RS1: variants seen among roughly 807,000 people sequenced by gnomAD.
The protein encoded by RS1 is retinoschisin 1, also known as retinoschisin.
RS1 carries 2 observed loss-of-function variants against 20.8 expected under a neutral mutation model. The ratio of observed to expected loss-of-function variants is 0.10; its 90% CI spans 0.04 to 0.30. RS1 has a LOEUF of 0.30. Ranked by LOEUF, RS1 falls within the 10% of genes least tolerant of loss-of-function variation. RS1 has a pLI of 1.00. For synonymous variants in RS1, 70 were observed against 75.8 expected, an observed-to-expected ratio of 0.92 and a Z score of 0.40; for missense variants, 151 against 189.8, an observed-to-expected ratio of 0.80 and a Z score of 1.20.
In RS1 at chrX:18,657,650, G is replaced by A. The variant is rs62645882; in HGVS notation, c.68C>T (p.Ser23Leu). ...CTTACTGTTACATACCTCGGTAGAC[G>A]ATAATCCCAATGTGGCTAAAGCAAA... ...LFGYEATLGL[S>L]STEDEGEDPW... is the part of the protein sequence containing the mutation. The change falls in exon 2 of 6, where the codon TCG (serine) becomes TTG (leucine). Residue 23 changes from serine (S) to leucine (L), a missense_variant. Ser to Leu is a moderately radical substitution (Grantham distance 145). Coordinates refer to ENST00000379984, the MANE Select transcript of RS1 (RefSeq NM_000330.4). The A allele has an allele frequency of 8.3e-6, 10 of 1,198,829 alleles. No homozygotes were observed. The highest frequency in any genetic ancestry group is 3.5e-5 in the African/African-American group (2 of 56,895).
At chrX:18,649,871 A>G (rs1218052760) in intron 3 of RS1, among the ~76,000 whole-genome samples, 3 of 112,093 alleles carry the variant, frequency 2.7e-5, no homozygotes, top group African/African-American at 9.7e-5. Context: ...GCACAAGGCC[A>G]GGTGGCAGGG....
In RS1 at chrX:18,640,332, G is replaced by A. The variant is rs2147187147; in HGVS notation, c.*1672C>T. The A allele has an allele frequency of 9.2e-6, 1 of 109,126 alleles. No individual in the cohort carries two copies. The highest frequency in any genetic ancestry group is 2.9e-4 in the East Asian group (1 of 3,458). The allele number at this position is 109,126 out of a possible 1,213,427, so 9.0% of individuals were successfully genotyped here. On this transcript the variant is annotated 3_prime_UTR_variant, in exon 6 of 6. Coordinates refer to ENST00000379984, the MANE Select transcript of RS1 (RefSeq NM_000330.4). ...GCCATTTTGTCTGACAGTCCATGTC[G>A]TGACCAAAGTTAATTCACCTTTCCA...
Position 18,641,916 on chromosome X carries a change from C to T in RS1, c.*88G>A. 2.9e-6 allele frequency: 3 copies of T among 1,032,733 alleles called. No homozygotes were observed. Among genetic ancestry groups the T allele is most frequent in the Non-Finnish European group, 4.1e-6 (3 of 740,282 alleles). 85.1% of individuals were successfully genotyped at this position (1,032,733 alleles called of 1,213,427 possible). ...TTACAATTGCTTTGCGAAATATAGC[C>T]CTGTCCATCTCGGTGGTGTGTGAGG... is the stretch of plus-strand genomic sequence containing the variant. On this transcript the variant is annotated 3_prime_UTR_variant, in exon 6 of 6. Transcript: ENST00000379984.
At chrX:18,660,868 T>C (rs1023673930) in intron 1 of RS1, among the ~76,000 whole-genome samples, 4 of 111,790 alleles carry the variant, frequency 3.6e-5, no homozygotes, top group African/African-American at 9.8e-5. Flanking sequence ...ACCATGCCCA[T>C]GGTGAGTACT....
At chrX:18,643,193 A>C (rs1927647358) in intron 5 of RS1, among the ~76,000 whole-genome samples, 1 of 111,797 alleles carries the variant, frequency 8.9e-6, no homozygotes, top group East Asian at 2.8e-4. Context: ...TTCCAAAGAA[A>C]TCATTCTTTG....
intron 4 of RS1, chrX:18,646,027 A>G: frequency 2.5e-6 from 3 of 1,212,186 alleles, no homozygotes; most frequent in Non-Finnish European, 3.3e-6. Flanking sequence ...TGATGGCAGA[A>G]GACAGAGACA....
rs1473398901 is a variant in RS1 at position 18,650,134 on chromosome X, A to C, written c.185-2802T>G. On this transcript the variant is annotated intron_variant, in intron 3 of 5. Transcript: ENST00000379984. ...CATCTCTTTTGCCATTTCTTCCCAAATAGCTCATCTAACACTCCAGAGCGG... is the reference window on the plus strand; with the variant it reads ...CATCTCTTTTGCCATTTCTTCCCAACTAGCTCATCTAACACTCCAGAGCGG... 1.0e-5 allele frequency: 4 copies of C among 396,321 alleles called. No individual in the cohort carries two copies. The South Asian group carries it at 1.4e-4, about 14-fold the overall frequency. 32.7% of individuals were successfully genotyped at this position (396,321 alleles called of 1,213,427 possible). A position where few individuals can be genotyped will look rare whatever the true frequency, so the allele number is the denominator to read the frequency against.
At chrX:18,648,921 G>A (rs963380427) in intron 3 of RS1, among the ~76,000 whole-genome samples, 2 of 109,108 alleles carry the variant, frequency 1.8e-5, no homozygotes, top group Admixed American at 9.9e-5. Context: ...CGTGGCTCAC[G>A]TCTATAGTCC....
intron 1 of RS1, among the ~76,000 whole-genome samples, chrX:18,664,238 T>C (rs1256614977): frequency 8.9e-6 from 1 of 112,625 alleles, no homozygotes; most frequent in African/African-American, 3.2e-5. Context: ...TGCAAATAGA[T>C]AGTCTAGAAC....
In RS1 at chrX:18,665,990, C is replaced by T. The variant is rs776015902; in HGVS notation, c.52+6027G>A. Among the ~76,000 whole-genome samples the T allele has an allele frequency of 2.9e-3, 322 of 110,431 alleles. 2 individuals are homozygous for T. Among genetic ancestry groups the T allele is most frequent in the African/African-American group, 9.7e-3 (293 of 30,311 alleles). On this transcript the variant is annotated intron_variant, in intron 1 of 5. Coordinates refer to ENST00000379984, the MANE Select transcript of RS1 (RefSeq NM_000330.4). Reference sequence around the variant, plus strand: ...TTCTTGCCCACAGATTATAGAAACCCATACAAAAAATGACTGATAATGACT... The same window carrying T: ...TTCTTGCCCACAGATTATAGAAACCTATACAAAAAATGACTGATAATGACT...
chrX:18,650,649 C>CGAG, intron 3 of RS1: 1 of 1,149,050 alleles, frequency 8.7e-7, no homozygotes. Flanking sequence ...CGGAATTGCC[C>CGAG]GAGGAGCTGT....
intron 3 of RS1, among the ~76,000 whole-genome samples, chrX:18,652,075 CACT>C (rs749732264): frequency 1.6e-3 from 183 of 111,087 alleles, no homozygotes; most frequent in African/African-American, 5.8e-3. Flanking sequence ...AGGCATACTT[CACT>C]GCCATCTCCC....
chrX:18,670,473 C>T (rs1157838480), intron 1 of RS1, among the ~76,000 whole-genome samples: 2 of 110,518 alleles, frequency 1.8e-5, no homozygotes, highest in African/African-American at 6.6e-5. Flanking sequence ...GTGATAGACC[C>T]GCCTCAGCCT....
chrX:18,656,589 G>A, intron 3 of RS1, 64 bp downstream of exon 3: 1 of 907,789 alleles, frequency 1.1e-6, no homozygotes, highest in Non-Finnish European at 1.6e-6. Context: ...AGCTGAGTGG[G>A]AAAAAGGAAG....
chrX:18,669,061 C>CT (rs746584894), intron 1 of RS1, among the ~76,000 whole-genome samples: 11 of 111,750 alleles, frequency 9.8e-5, no homozygotes, highest in African/African-American at 3.6e-4. Context: ...GGCTGAAGGA[C>CT]TTTTTTTGTT....
At chrX:18,645,952 C>A in intron 4 of RS1, 1 of 1,208,851 alleles carries the variant, frequency 8.3e-7, no homozygotes, top group Non-Finnish European at 1.1e-6. Context: ...TGTTTGTGTT[C>A]TTAAAGGCAA....
intron 1 of RS1, among the ~76,000 whole-genome samples, chrX:18,664,852 C>G (rs1324795896): frequency 9.0e-6 from 1 of 110,815 alleles, no homozygotes; most frequent in Non-Finnish European, 1.9e-5. Flanking sequence ...GTAGCTGGGA[C>G]TACAGGCCTG....
chrX:18,650,001 G>A (rs1927961958), intron 3 of RS1: 1 of 235,316 alleles, frequency 4.2e-6, no homozygotes, highest in South Asian at 5.4e-5. Flanking sequence ...CCCGCTCAGG[G>A]CTACTAGCTC....
chrX:18,650,012 T>C, intron 3 of RS1: 1 of 253,644 alleles, frequency 3.9e-6, no homozygotes, highest in Non-Finnish European at 7.3e-6. Context: ...CTACTAGCTC[T>C]GAGAGAGTAG....
Sources: gnomAD v4.1 joint callset for allele counts (sites outside exome capture counted in the v4.1 genomes callset) on GRCh38, gnomAD v4.1.1 for gene constraint, MANE v1.5 for transcripts, NCBI Gene and HGNC (gene_info 2026-07-23, HGNC 2026-07-21) for gene names.